The following PLCL1 variants were observed in gnomAD, a reference collection of about 807,000 sequenced individuals.
PLCL1 encodes the protein inactive phospholipase C-like protein 1.
In PLCL1, 41 loss-of-function variants were observed where a neutral mutation model predicts 84.4. The observed-to-expected ratio is 0.49, with a 90% CI of 0.38 to 0.63. The LOEUF is 0.63. PLCL1 is among the 30% of genes least tolerant of loss of function. PLCL1 has a pLI of 0.00. For missense variants in PLCL1, 1,206 were observed against 1,367.8 expected (o/e 0.88, Z 1.87); for synonymous variants, 490 against 488.3 (o/e 1.00, Z -0.05).
chr2:198,032,620 T>A (rs1411456385), intron 1 of PLCL1, among the ~76,000 whole-genome samples: 2 of 152,126 alleles, frequency 1.3e-5, no homozygotes, highest in African/African-American at 4.8e-5. Context: ...CTGGTTTGGG[T>A]GCTTAATCTA....
chr2:197,805,124 G>T lies in PLCL1; in HGVS notation c.25G>T (p.Glu9Ter). ...CATGGCCGAGGGCGCGGCCGGCAGG[G>T]AGGATCCGGCGCCGCCCGACGCGGC... MAEGAAGR[E>*]DPAPPDAAGG... Residue 9 changes from glutamate to a stop codon, truncating the protein, a stop_gained, in exon 1 of 6, where the codon GAG becomes TAG. Coordinates refer to ENST00000428675, the MANE Select transcript of PLCL1 (RefSeq NM_006226.4). LOFTEE classifies it high-confidence loss of function. The surrounding 1 kb of genome is among the most constrained non-coding windows in gnomAD (Gnocchi z 4.0). 7.6e-7 allele frequency: 1 copy of T among 1,321,798 alleles called. No homozygotes were observed. The highest frequency in any genetic ancestry group is 9.6e-7 in the Non-Finnish European group (1 of 1,040,576). 81.9% of individuals were successfully genotyped at this position (1,321,798 alleles called of 1,614,324 possible). A position where few individuals can be genotyped will look rare whatever the true frequency, so the allele number is the denominator to read the frequency against.
chr2:197,889,668 A>T (rs542255737), intron 1 of PLCL1, among the ~76,000 whole-genome samples: 1 of 152,328 alleles, frequency 6.6e-6, no homozygotes, highest in South Asian at 2.1e-4. Context: ...AAGTTGATCC[A>T]AACTATAATA....
At chr2:198,036,777 C>A (rs914074234) in intron 1 of PLCL1, among the ~76,000 whole-genome samples, 5 of 152,166 alleles carry the variant, frequency 3.3e-5, no homozygotes, top group African/African-American at 1.2e-4. Flanking sequence ...CTGCTACACA[C>A]AGAGACCATT....
In PLCL1 at chr2:197,805,084, C is replaced by T. The variant is rs990792901; in HGVS notation, c.-16C>T. The T allele has an allele frequency of 4.9e-5, 70 of 1,419,360 alleles. No individual in the cohort carries two copies. The highest frequency in any genetic ancestry group is 6.3e-5 in the Non-Finnish European group (69 of 1,092,868). The allele number at this position is 1,419,360 out of a possible 1,614,324, so 87.9% of individuals were successfully genotyped here. A position where few individuals can be genotyped will look rare whatever the true frequency, so the allele number is the denominator to read the frequency against. On this transcript the variant is annotated 5_prime_UTR_variant, in exon 1 of 6. Transcript: ENST00000428675. This position sits in a 1 kb window ranked among gnomAD's most constrained non-coding sequence, Gnocchi z 4.0. The stretch of plus-strand genomic sequence containing the variant: ...GCGTCCCGCTTTCCCCCGGGGAGCC[C>T]TAAACGCTCCAGGCCATGGCCGAGG...
intron 5 of PLCL1, among the ~76,000 whole-genome samples, chr2:198,146,531 G>C (rs1268457710): frequency 6.6e-6 from 1 of 152,118 alleles, no homozygotes; most frequent in Non-Finnish European, 1.5e-5. Context: ...CTCACAATAG[G>C]AATCTCAACG....
At position 198,085,516 on chromosome 2, in the gene PLCL1, G is replaced by A. The variant is rs1064213; in HGVS notation, c.1999G>A (p.Val667Ile). 750,624 of 1,613,180 alleles carry A rather than the reference G, an allele frequency of 0.47. 179,893 individuals are homozygous for A. The highest frequency in any genetic ancestry group is 0.63 in the Middle Eastern group (3,814 of 6,062). The stretch of plus-strand genomic sequence containing the variant: ...CTTTTGGAATTGTGGCTGTCAGATT[G>A]TAGCAATGAATTTTCAGACTCCGGG... The part of the protein sequence containing the change: ...QDFWNCGCQI[V>I]AMNFQTPGPM... The change falls in exon 2 of 6, where the codon GTA becomes ATA. Residue 667 changes from valine (V) to isoleucine (I), a missense_variant. Physicochemically the swap from Val to Ile is conservative, Grantham distance 29 (BLOSUM62 3). Coordinates refer to ENST00000428675, the MANE Select transcript of PLCL1 (RefSeq NM_006226.4). The surrounding 1 kb of genome is among the most constrained non-coding windows in gnomAD (Gnocchi z 5.3).
chr2:197,999,103 C>T (rs761643662), intron 1 of PLCL1, among the ~76,000 whole-genome samples: 2 of 152,156 alleles, frequency 1.3e-5, no homozygotes, highest in African/African-American at 2.4e-5. Flanking sequence ...GTATCCTGAT[C>T]TTTCTCTATT....
Position 197,873,793 on chromosome 2 carries a change from T to C in PLCL1, c.240+68454T>C, listed in dbSNP as rs982384890. ...GTCCTGACATTGGTGTCTCAATCTTTGCCAGATTTTTGGCACACCACAATC... is the reference window on the plus strand; with the variant it reads ...GTCCTGACATTGGTGTCTCAATCTTCGCCAGATTTTTGGCACACCACAATC... On this transcript the variant is annotated intron_variant, in intron 1 of 5. Coordinates refer to ENST00000428675, the MANE Select transcript of PLCL1 (RefSeq NM_006226.4). Among the ~76,000 whole-genome samples, 6 of 152,280 alleles carry C rather than the reference T, an allele frequency of 3.9e-5. No individual in the cohort carries two copies. In the East Asian group the frequency reaches 1.2e-3, roughly 29 times the overall value.
In PLCL1 at chr2:197,888,305, C is replaced by A. The variant is rs372068066; in HGVS notation, c.240+82966C>A. Among the ~76,000 whole-genome samples the A allele has an allele frequency of 2.1e-3, 324 of 151,966 alleles. 1 individual carries two copies. The highest frequency in any genetic ancestry group is 7.4e-3 in the African/African-American group (305 of 41,428). ...TCATATGTTAAAGATAGGTAATTAA[C>A]CCTTTCTGCCATATGTGTTTCAAAT... is the stretch of plus-strand genomic sequence containing the variant. On this transcript the variant is annotated intron_variant, in intron 1 of 5. Transcript: ENST00000428675.
intron 1 of PLCL1, among the ~76,000 whole-genome samples, chr2:197,945,544 A>G (rs1002100500): frequency 2.0e-5 from 3 of 152,196 alleles, no homozygotes; most frequent in Non-Finnish European, 4.4e-5. Context: ...TCTTAAAGAC[A>G]GGATAACATA....
chr2:197,856,695 A>G (rs2105688350), intron 1 of PLCL1, among the ~76,000 whole-genome samples: 1 of 152,298 alleles, frequency 6.6e-6, no homozygotes, highest in South Asian at 2.1e-4. Flanking sequence ...ATAAGATATG[A>G]AAAACCCTTC....
At chr2:197,865,531 G>A (rs1687512406) in intron 1 of PLCL1, among the ~76,000 whole-genome samples, 1 of 152,126 alleles carries the variant, frequency 6.6e-6, no homozygotes, top group Non-Finnish European at 1.5e-5. Context: ...CGATATGGCC[G>A]TGAGAGCATG....
chr2:197,888,534 T>C (rs1687961120), intron 1 of PLCL1, among the ~76,000 whole-genome samples: 1 of 152,188 alleles, frequency 6.6e-6, no homozygotes, highest in Non-Finnish European at 1.5e-5. Context: ...TCACTTAATG[T>C]CAGGAGACCT....
intron 1 of PLCL1, among the ~76,000 whole-genome samples, chr2:197,889,473 T>C (rs1687976328): frequency 6.6e-6 from 1 of 152,224 alleles, no homozygotes; most frequent in South Asian, 2.1e-4. Flanking sequence ...CCTATACTTC[T>C]GCTTACACTG....
intron 3 of PLCL1, among the ~76,000 whole-genome samples, chr2:198,099,519 A>C (rs998712234): frequency 1.3e-5 from 2 of 152,080 alleles, no homozygotes; most frequent in Admixed American, 6.6e-5. Flanking sequence ...CAGAGAGAAA[A>C]ATCAAATCCC....
In PLCL1 at chr2:198,039,692, A is replaced by G. The variant is rs1691616024; in HGVS notation, c.241-44066A>G. Among the ~76,000 whole-genome samples, 7 of 152,188 alleles carry G rather than the reference A, an allele frequency of 4.6e-5. No individual in the cohort carries two copies. The South Asian group carries it at 1.4e-3, about 31-fold the overall frequency. On this transcript the variant is annotated intron_variant, in intron 1 of 5. Transcript: ENST00000428675. Reference sequence around the variant, plus strand: ...TAGAGGGTCACAATATAGCACTTTCAGAAAATTTGTCAGAGCTTTTATTAC... The same window carrying G: ...TAGAGGGTCACAATATAGCACTTTCGGAAAATTTGTCAGAGCTTTTATTAC...
rs113362575 is a variant in PLCL1 at position 198,148,743 on chromosome 2, T to C, written c.*1781T>C. On this transcript the variant is annotated 3_prime_UTR_variant, in exon 6 of 6. Transcript: ENST00000428675. Reference sequence around the variant, plus strand: ...CACCTTACATCAGCTGATTGGTTGATTTTACTAGTGTACCTCTTCATCTAC... The same window carrying C: ...CACCTTACATCAGCTGATTGGTTGACTTTACTAGTGTACCTCTTCATCTAC... 12 of 152,286 alleles carry C rather than the reference T, an allele frequency of 7.9e-5. No individual in the cohort carries two copies. Among genetic ancestry groups the C allele is most frequent in the African/African-American group, 2.7e-4 (11 of 41,432 alleles). The allele number at this position is 152,286 out of a possible 1,614,324, so 9.4% of individuals were successfully genotyped here. A position where few individuals can be genotyped will look rare whatever the true frequency, so the allele number is the denominator to read the frequency against.
intron 1 of PLCL1, among the ~76,000 whole-genome samples, chr2:198,000,230 G>T (rs1690569881): frequency 6.6e-6 from 1 of 152,230 alleles, no homozygotes; most frequent in East Asian, 1.9e-4. Flanking sequence ...GCACCCCATG[G>T]ATACCTGTGA....
chr2:197,842,182 C>A (rs560536712), intron 1 of PLCL1, among the ~76,000 whole-genome samples: 2 of 152,250 alleles, frequency 1.3e-5, no homozygotes, highest in South Asian at 4.1e-4. Context: ...ATAACCATAG[C>A]CTACCTGCCC....
Sources: gnomAD v4.1 joint callset for allele counts (sites outside exome capture counted in the v4.1 genomes callset) on GRCh38, gnomAD v4.1.1 for gene constraint, Gnocchi (gnomAD v3.1) non-coding constraint, MANE v1.5 for transcripts, NCBI Gene and HGNC (gene_info 2026-07-23, HGNC 2026-07-21) for gene names.